Variants in ASGR1 observed in about 807,000 individuals in gnomAD.
ASGR1 encodes the protein C-type lectin domain family 4 member H1.
A neutral mutation model predicts 33.1 loss-of-function variants in ASGR1; 35 were observed. The ratio of observed to expected loss-of-function variants is 1.06; its 90% confidence interval spans 0.81 to 1.40. The LOEUF (loss-of-function observed/expected upper bound fraction) is 1.40. Among genes scored for constraint, ASGR1 ranks in the 40% most tolerant of loss-of-function variants. The pLI, the probability that ASGR1 is intolerant of heterozygous loss-of-function variation, is 0.00. For synonymous variants in ASGR1, 142 were observed against 152.5 expected (o/e 0.93, Z 0.51); for missense variants, 396 against 373.7 (o/e 1.06, Z -0.49).
chr17:7,174,055 G>T lies in ASGR1; in HGVS notation c.607C>A (p.His203Asn), dbSNP rs769527434. The change falls in exon 8 of 9, where the codon CAC (histidine) becomes AAC (asparagine). Residue 203 changes from histidine to asparagine, a missense_variant. Physicochemically the swap from His to Asn is moderately conservative, Grantham distance 68. Transcript: ENST00000269299. ...CAGGTGTTCACAGGGCCTATGTGGTGCTGGACAAATTTCTGAGGAGAGAGA... is the reference window on the plus strand; with the variant it reads ...CAGGTGTTCACAGGGCCTATGTGGTTCTGGACAAATTTCTGAGGAGAGAGA... ...TSWEEQKFVQ[H>N]HIGPVNTWMG... 104 of 1,614,110 alleles carry T rather than the reference G, an allele frequency of 6.4e-5. No homozygotes were observed. The highest frequency in any genetic ancestry group is 8.6e-5 in the Non-Finnish European group (101 of 1,180,022).
At chr17:7,175,011 TAC>T (rs886677547) in intron 5 of ASGR1, among the ~76,000 whole-genome samples, 1 of 126,962 alleles carries the variant, frequency 7.9e-6, no homozygotes, top group Non-Finnish European at 1.6e-5. Context: ...CTAACTCACA[TAC>T]ACACTCACAC....
chr17:7,178,478 G>A lies in ASGR1; in HGVS notation c.70+16C>T, dbSNP rs1329747396. On this transcript the variant is annotated intron_variant, in intron 2 of 8. Coordinates refer to ENST00000269299, the MANE Select transcript of ASGR1 (RefSeq NM_001671.5). The stretch of plus-strand genomic sequence containing the variant: ...CAAATTCTCGCCTTGCAGAGGCAGG[G>A]CAAGGTGGCCCTCACCTTTTCTGAG... 3.1e-6 allele frequency: 5 copies of A among 1,612,676 alleles called. No homozygotes were observed. The highest frequency in any genetic ancestry group is 3.4e-6 in the Non-Finnish European group (4 of 1,178,642).
rs1567791559 is a variant in ASGR1, at chr17:7,173,594, GC to G, written c.*64del. 2 of 1,596,510 alleles carry G rather than the reference GC, an allele frequency of 1.3e-6. No individual in the cohort carries two copies. The highest frequency in any genetic ancestry group is 1.1e-5 in the South Asian group (1 of 90,386). On this transcript the variant is annotated 3_prime_UTR_variant, in exon 9 of 9. Coordinates refer to ENST00000269299, the MANE Select transcript of ASGR1 (RefSeq NM_001671.5). The surrounding 1 kb of genome is among the most constrained non-coding windows in gnomAD (Gnocchi z 4.7). The stretch of plus-strand genomic sequence containing the variant: ...GAAAATTCCCGAGAAAGCAGAAGAG[GC>G]CCCCAGATGGGCGGATTCCCAATCC...
chr17:7,175,473 TCACC>T (rs1480249336), intron 5 of ASGR1, among the ~76,000 whole-genome samples: 2 of 142,600 alleles, frequency 1.4e-5, no homozygotes, highest in Non-Finnish European at 3.0e-5. Context: ...CAACACACCC[TCACC>T]CACTACACAC....
At chr17:7,178,724 CTTTTTTTTCTTTTCTT>C in intron 1 of ASGR1, 136 bp from the exon 2 acceptor site, 9 of 427,402 alleles carry the variant, frequency 2.1e-5, no homozygotes, top group South Asian at 8.7e-5. Context: ...TTTTCTTTTT[CTTTTTTTTCTTTTCTT>C]TTTTTTTTTT....
At chr17:7,176,640 AC>A (rs1297422218) in intron 5 of ASGR1, 189 bp downstream of exon 5, 2 of 716,624 alleles carry the variant, frequency 2.8e-6, no homozygotes, top group East Asian at 2.7e-5. Flanking sequence ...TCTCATTCTC[AC>A]ATCCACACAA....
rs757552158 is a variant in ASGR1 at position 7,174,099 on chromosome 17, C to A, written c.595-32G>T. The A allele has an allele frequency of 1.9e-6, 3 of 1,613,980 alleles. No homozygotes were observed. The African/African-American group carries it at 4.0e-5, about 22-fold the overall frequency. On this transcript the variant is annotated intron_variant, in intron 7 of 8. Transcript: ENST00000269299. ...AGAGAGAAGGCGGGTGGTGATCTCTCCGAGGCCAGCCAGCCTCCCAGACCC... is the reference window on the plus strand; with the variant it reads ...AGAGAGAAGGCGGGTGGTGATCTCTACGAGGCCAGCCAGCCTCCCAGACCC...
At chr17:7,175,400 C>G (rs1375847049) in intron 5 of ASGR1, among the ~76,000 whole-genome samples, 1 of 150,152 alleles carries the variant, frequency 6.7e-6, no homozygotes, top group Non-Finnish European at 1.5e-5. Flanking sequence ...ACAACACACC[C>G]TCACACAGGC....
In ASGR1 at chr17:7,173,762, A is replaced by C. The variant is rs759515869; in HGVS notation, c.773T>G (p.Phe258Cys). 6.2e-7 allele frequency: 1 copy of C among 1,613,564 alleles called. No homozygotes were observed. The highest frequency in any genetic ancestry group is 2.2e-5 in the East Asian group (1 of 44,880). The change falls in exon 9 of 9, where the codon TTC becomes TGC. Residue 258 changes from phenylalanine (F) to cysteine (C), a missense_variant. Physicochemically the swap from Phe to Cys is radical, Grantham distance 205. Transcript: ENST00000269299. The surrounding 1 kb of genome is among the most constrained non-coding windows in gnomAD (Gnocchi z 4.7). Reference sequence around the variant, plus strand: ...GTCGTTCCAGCGGCCGTCGTCGGTGAAGTGGGCACAGTCCTCGCCTCCTCC... The same window carrying C: ...GTCGTTCCAGCGGCCGTCGTCGGTGCAGTGGGCACAGTCCTCGCCTCCTCC... ...GLGGGEDCAH[F>C]TDDGRWNDDV...
intron 5 of ASGR1, chr17:7,176,513 ACC>A (rs1253991755): frequency 6.7e-6 from 3 of 446,510 alleles, no homozygotes; most frequent in Non-Finnish European, 1.2e-5. Context: ...TCAGACACAC[ACC>A]CCCTCTCATT....
At chr17:7,176,529 A>ACACACTCT (rs1555597841) in intron 5 of ASGR1, 2 of 494,514 alleles carry the variant, frequency 4.0e-6, no homozygotes, top group Admixed American at 7.3e-5. Flanking sequence ...TCTCATTCCC[A>ACACACTCT]CACACACACC....
intron 5 of ASGR1, among the ~76,000 whole-genome samples, chr17:7,176,400 CATT>C (rs1306589673): frequency 1.1e-4 from 17 of 149,686 alleles, no homozygotes; most frequent in Admixed American, 8.0e-4. Flanking sequence ...ACACACACCT[CATT>C]ATCACACTCA....
At chr17:7,176,808 A>C in intron 5 of ASGR1, 22 bp downstream of exon 5, 1 of 1,609,274 alleles carries the variant, frequency 6.2e-7, no homozygotes, top group Non-Finnish European at 8.5e-7. Flanking sequence ...ACACACACAC[A>C]CACACACACT....
In ASGR1 at chr17:7,176,965, G is replaced by A; in HGVS notation, c.283+16C>T. On this transcript the variant is annotated intron_variant, in intron 4 of 8. Transcript: ENST00000269299. The stretch of plus-strand genomic sequence containing the variant: ...CAGCCCCAGCCCCAGCCCCAGCCCC[G>A]CCCCAGCGCCCTCACCCTGGGTGCT... The A allele has an allele frequency of 2.8e-6, 2 of 719,250 alleles. No homozygotes were observed. Among genetic ancestry groups the A allele is most frequent in the South Asian group, 1.4e-5 (1 of 71,520 alleles). 44.6% of individuals were successfully genotyped at this position (719,250 alleles called of 1,614,324 possible).
At chr17:7,176,750 ACTCACACTTT>A in intron 5 of ASGR1, 70 bp downstream of exon 5, 2 of 1,558,420 alleles carry the variant, frequency 1.3e-6, no homozygotes, top group South Asian at 2.3e-5. Context: ...ATCCACACAC[ACTCACACTTT>A]CTCACACACA....
rs557779124 is a variant in ASGR1 at position 7,175,955 on chromosome 17, A to G, written c.355+875T>C. Among the ~76,000 whole-genome samples, 10 of 142,026 alleles carry G rather than the reference A, an allele frequency of 7.0e-5. No individual in the cohort carries two copies. In the East Asian group the frequency reaches 2.0e-3, roughly 28 times the overall value. 93.2% of individuals were successfully genotyped at this position (142,026 alleles called of 152,430 possible). A position where few individuals can be genotyped will look rare whatever the true frequency, so the allele number is the denominator to read the frequency against. On this transcript the variant is annotated intron_variant, in intron 5 of 8. Coordinates refer to ENST00000269299, the MANE Select transcript of ASGR1 (RefSeq NM_001671.5). ...TTCCCCCACACACGCAACACACACTAACACACATACACACGTTCTCACACA... is the reference window on the plus strand; with the variant it reads ...TTCCCCCACACACGCAACACACACTGACACACATACACACGTTCTCACACA...
chr17:7,174,201 G>C lies in ASGR1; in HGVS notation c.531C>G (p.Asp177Glu). The C allele has an allele frequency of 6.2e-7, 1 of 1,614,182 alleles. No homozygotes were observed. Among genetic ancestry groups the C allele is most frequent in the Non-Finnish European group, 8.5e-7 (1 of 1,180,028 alleles). ...CCTCCAGCCGGCAGTAGTTGTCGGC[G>C]TCAGCCCAGGCCTTCCCGGAGCGAG... ...WFSRSGKAWA[D>E]ADNYCRLEDA... Residue 177 changes from aspartate to glutamate, a missense_variant, in exon 7 of 9, where the codon GAC becomes GAG. Coordinates refer to ENST00000269299, the MANE Select transcript of ASGR1 (RefSeq NM_001671.5).
chr17:7,178,388 G>A (rs2069240435), intron 2 of ASGR1, 106 bp downstream of exon 2: 13 of 1,192,368 alleles, frequency 1.1e-5, no homozygotes, highest in Non-Finnish European at 1.4e-5. Flanking sequence ...GAGGGAGACA[G>A]ACCCAGAGAG....
At chr17:7,176,708 A>T (rs1341010027) in intron 5 of ASGR1, 122 bp downstream of exon 5, 9 of 1,383,418 alleles carry the variant, frequency 6.5e-6, no homozygotes, top group Non-Finnish European at 5.9e-6. Flanking sequence ...ACAGACTCAC[A>T]CACACACACA....
Sources: gnomAD v4.1 joint callset for allele counts (sites outside exome capture counted in the v4.1 genomes callset) on GRCh38, gnomAD v4.1.1 for gene constraint, Gnocchi (gnomAD v3.1) non-coding constraint, MANE v1.5 for transcripts, NCBI Gene and HGNC (gene_info 2026-07-23, HGNC 2026-07-21) for gene names.